The following CYP17A1 variants were observed in gnomAD, a reference collection of about 807,000 sequenced individuals.
CYP17A1 encodes the protein steroid 17-alpha-hydroxylase/17,20 lyase.
CYP17A1 carries 27 observed loss-of-function variants against 38.5 expected under a neutral mutation model. The ratio of observed to expected loss-of-function variants is 0.70; its 90% CI spans 0.52 to 0.97. The LOEUF is 0.97. CYP17A1 is among the 50% of genes least tolerant of loss of function. CYP17A1 has a pLI of 0.00. For synonymous variants in CYP17A1, 263 were observed against 253.3 expected, an observed-to-expected ratio of 1.04 and a Z score of -0.36; for missense variants, 549 against 645.9, an observed-to-expected ratio of 0.85 and a Z score of 1.63.
chr10:102,833,457 A>ATT, intron 4 of CYP17A1: 10 of 467,512 alleles, frequency 2.1e-5, no homozygotes, highest in East Asian at 4.8e-5. Context: ...TCCTTGAGTC[A>ATT]GTTTTTTTTT....
intron 6 of CYP17A1, 168 bp from the exon 7 acceptor site, chr10:102,831,779 C>A: frequency 8.0e-7 from 1 of 1,256,650 alleles, no homozygotes. Flanking sequence ...AAATCCAGCC[C>A]TTCTCCATCC....
chr10:102,835,127 G>A (rs980336663), intron 2 of CYP17A1, 113 bp from the exon 3 acceptor site: 5 of 1,082,530 alleles, frequency 4.6e-6, no homozygotes, highest in Non-Finnish European at 7.0e-6. Flanking sequence ...CCACTAGATG[G>A]CAGCAGTAGC....
At chr10:102,832,801 T>G in intron 5 of CYP17A1, 121 bp from the exon 6 acceptor site, 1 of 1,330,582 alleles carries the variant, frequency 7.5e-7, no homozygotes, top group South Asian at 1.2e-5. Context: ...CAGTAGTGGC[T>G]CTGGGGCCCA....
In CYP17A1 at chr10:102,830,992, G is replaced by A; in HGVS notation, c.1244-7C>T. The A allele has an allele frequency of 6.4e-7, 1 of 1,555,066 alleles. No homozygotes were observed. ...GCTGGATTCAAGAAACGCTCTGCAG[G>A]CAAGGAGTGGCATCAGCCAGGGGTT... On this transcript the variant is annotated splice_region_variant and splice_polypyrimidine_tract_variant and intron_variant, in intron 7 of 7. Transcript: ENST00000369887. The surrounding 1 kb of genome is among the most constrained non-coding windows in gnomAD (Gnocchi z 4.1).
At chr10:102,831,852 T>A (rs1056785901) in intron 6 of CYP17A1, 2 of 645,204 alleles carry the variant, frequency 3.1e-6, no homozygotes, top group Admixed American at 4.9e-5. Context: ...TGTCTGGCAG[T>A]GTATGTGGGT....
rs747400259 is a variant in CYP17A1 at position 102,831,540 on chromosome 10, T to A, written c.1211A>T (p.Lys404Met). The A allele has an allele frequency of 2.3e-5, 37 of 1,613,960 alleles. No individual in the cohort carries two copies. Among genetic ancestry groups the A allele is most frequent in the Non-Finnish European group, 3.1e-5 (36 of 1,180,006 alleles). The change falls in exon 7 of 8, where the codon AAG becomes ATG. Residue 404 changes from lysine (K) to methionine (M), a missense_variant. By Grantham distance (95) the Lys-to-Met change is moderately conservative (BLOSUM62 -1). Coordinates refer to ENST00000369887, the MANE Select transcript of CYP17A1 (RefSeq NM_000102.4). ...GAACTGATCCGGCTGGTGCCACTCCTTCTCATTGTGATGCAGCGCCCACAG... is the reference window on the plus strand; with the variant it reads ...GAACTGATCCGGCTGGTGCCACTCCATCTCATTGTGATGCAGCGCCCACAG... ...INLWALHHNE[K>M]EWHQPDQFMP...
intron 6 of CYP17A1, among the ~76,000 whole-genome samples, chr10:102,832,163 G>A (rs909685693): frequency 3.3e-5 from 5 of 152,128 alleles, no homozygotes; most frequent in African/African-American, 9.6e-5. Context: ...AACCTCCGCC[G>A]CCTTGGTTCA....
At chr10:102,831,843 GTCT>G in intron 6 of CYP17A1, 1 of 694,830 alleles carries the variant, frequency 1.4e-6, no homozygotes, top group South Asian at 1.7e-5. Flanking sequence ...GGACTTTGGT[GTCT>G]GGCAGTGTAT....
chr10:102,833,850 C>T (rs866144857), intron 4 of CYP17A1, 186 bp downstream of exon 4: 28 of 556,590 alleles, frequency 5.0e-5, no homozygotes, highest in African/African-American at 3.4e-4. Context: ...CCTCGGCCTC[C>T]CAAAGTGTTG....
chr10:102,834,352 A>T, intron 3 of CYP17A1: 1 of 577,894 alleles, frequency 1.7e-6, no homozygotes, highest in South Asian at 2.0e-5. Flanking sequence ...CTCCTTCCCC[A>T]TTCAATCAAA....
rs1844177932 is a variant in CYP17A1 at position 102,837,317 on chromosome 10, C to T, written c.45G>A (p.Leu15=). Residue 15 remains leucine (L), a synonymous_variant, in exon 1 of 8, where the codon TTG becomes TTA. Transcript: ENST00000369887. ...CAGGGCACCTTCTCTTGGGCCAAAA[C>T]AAATAAGCTAGGGTAAGCAGCAAGA... The part of the protein sequence containing the change: ...VALLLLTLAY[L]FWPKRRCPGA... The T allele has an allele frequency of 1.9e-6, 3 of 1,612,936 alleles. No homozygotes were observed. The highest frequency in any genetic ancestry group is 1.3e-5 in the African/African-American group (1 of 75,022).
chr10:102,835,380 T>C lies in CYP17A1; in HGVS notation c.310A>G (p.Ile104Val). Residue 104 changes from isoleucine to valine, a missense_variant, in exon 2 of 8, where the codon ATC becomes GTC. This residue lies in a region of CYP17A1 where 289 missense variants were observed against 320.9 expected (regional missense o/e 0.90). Transcript: ENST00000369887. The stretch of plus-strand genomic sequence containing the variant: ...ATACCCTTACGGTTGTTGGACGCGA[T>C]GTCTAGAGTTGCCTTTAGAGAGCAG... Reference protein sequence around the residue: ...SGRPQMATLDIASNNRKGIAF... With the variant: ...SGRPQMATLDVASNNRKGIAF... The C allele has an allele frequency of 6.2e-7, 1 of 1,612,976 alleles. No homozygotes were observed. Among genetic ancestry groups the C allele is most frequent in the African/African-American group, 1.3e-5 (1 of 75,036 alleles).
chr10:102,835,510 C>G lies in CYP17A1; in HGVS notation c.298-118G>C, dbSNP rs1470173639. The stretch of plus-strand genomic sequence containing the variant: ...AAGGCAGGTACCTGGCATGCTGACT[C>G]CCATGTGGGCACAGCCCCACTGCAC... On this transcript the variant is annotated intron_variant, in intron 1 of 7. Coordinates refer to ENST00000369887, the MANE Select transcript of CYP17A1 (RefSeq NM_000102.4). 1.7e-5 allele frequency: 15 copies of G among 871,788 alleles called. No homozygotes were observed. In the East Asian group the frequency reaches 2.9e-4, roughly 17 times the overall value. 54.0% of individuals were successfully genotyped at this position (871,788 alleles called of 1,614,324 possible).
In CYP17A1 at chr10:102,837,127, G is replaced by T. The variant is rs370973897; in HGVS notation, c.235C>A (p.His79Asn). 13 of 1,605,042 alleles carry T rather than the reference G, an allele frequency of 8.1e-6. No individual in the cohort carries two copies. The highest frequency in any genetic ancestry group is 3.3e-5 in the Admixed American group (2 of 59,978). ...GTKTTVIVGHHQLAKEVLIKK... is the reference protein window; with the variant it reads ...GTKTTVIVGHNQLAKEVLIKK... ...ATAAGCACCTCCTTGGCCAGCTGGTGGTGGCCGACAATCACTGTAGTCTTG... is the reference window on the plus strand; with the variant it reads ...ATAAGCACCTCCTTGGCCAGCTGGTTGTGGCCGACAATCACTGTAGTCTTG... The change falls in exon 1 of 8, where the codon CAC becomes AAC. Residue 79 changes from histidine to asparagine, a missense_variant. Around this residue, in one of 3 missense-constraint regions of CYP17A1, gnomAD observed 289 missense variants for 320.9 expected, o/e 0.90. Coordinates refer to ENST00000369887, the MANE Select transcript of CYP17A1 (RefSeq NM_000102.4).
At chr10:102,834,315 C>A in intron 3 of CYP17A1, 193 bp from the exon 4 acceptor site, 1 of 613,858 alleles carries the variant, frequency 1.6e-6, no homozygotes. Flanking sequence ...CAATTCTAAA[C>A]AAGGGAGGAG....
At chr10:102,834,219 C>T in intron 3 of CYP17A1, 97 bp from the exon 4 acceptor site, 1 of 736,176 alleles carries the variant, frequency 1.4e-6, no homozygotes, top group Non-Finnish European at 2.5e-6. Context: ...CTTTCTGTCT[C>T]TGGAAGTTCC....
intron 7 of CYP17A1, 70 bp downstream of exon 7, chr10:102,831,438 G>C: frequency 1.3e-6 from 2 of 1,596,810 alleles, no homozygotes; most frequent in Middle Eastern, 1.7e-4. Flanking sequence ...AGAGGTGAAG[G>C]GGTACTGGGG....
chr10:102,833,865 T>C (rs561216665), intron 4 of CYP17A1, 171 bp downstream of exon 4: 1 of 580,574 alleles, frequency 1.7e-6, no homozygotes, highest in East Asian at 3.0e-5. Flanking sequence ...GTGTTGGGAT[T>C]ACAGGCGTGA....
chr10:102,835,097 G>A lies in CYP17A1; in HGVS notation c.437-83C>T, dbSNP rs755443. On this transcript the variant is annotated intron_variant, in intron 2 of 7. Coordinates refer to ENST00000369887, the MANE Select transcript of CYP17A1 (RefSeq NM_000102.4). ...GTACCAGTTGCCTCTTAACAGGAGCGGGGGACAGATAGCAGATGGCCACTA... is the reference window on the plus strand; with the variant it reads ...GTACCAGTTGCCTCTTAACAGGAGCAGGGGACAGATAGCAGATGGCCACTA... 8.6e-3 allele frequency: 9,646 copies of A among 1,119,926 alleles called. 346 individuals are homozygous for A. The African/African-American group carries it at 0.095, about 11-fold the overall frequency. The allele number at this position is 1,119,926 out of a possible 1,614,324, so 69.4% of individuals were successfully genotyped here.
Sources: gnomAD v4.1 joint callset for allele counts (sites outside exome capture counted in the v4.1 genomes callset) on GRCh38, gnomAD v4.1.1 for gene constraint, gnomAD v4.1.1 regional missense constraint, Gnocchi (gnomAD v3.1) non-coding constraint, MANE v1.5 for transcripts, NCBI Gene and HGNC (gene_info 2026-07-23, HGNC 2026-07-21) for gene names.